Variants in WWC2 observed in about 807,000 individuals in gnomAD.
WWC2 encodes the protein WW and C2 domain containing 2, also known as protein WWC2.
In WWC2, 101 loss-of-function variants were observed where a neutral mutation model predicts 138.5. That is an observed-to-expected ratio of 0.73 (90% CI 0.62 to 0.86). The LOEUF (loss-of-function observed/expected upper bound fraction) is 0.86. Among genes scored for constraint, WWC2 ranks in the 40% least tolerant of loss-of-function variants. The probability of loss-of-function intolerance (pLI) is 0.00; values close to 1 mark genes in which losing one functional copy is unlikely to be tolerated. For synonymous variants in WWC2, 558 were observed against 538.4 expected (o/e 1.04, Z -0.50); for missense variants, 1,420 against 1,419.4 (o/e 1.00, Z -0.01).
intron 1 of WWC2, among the ~76,000 whole-genome samples, chr4:183,140,685 A>T (rs972360049): frequency 2.6e-5 from 4 of 152,214 alleles, no homozygotes; most frequent in Admixed American, 6.5e-5. Context: ...TTACAGTTTT[A>T]CTGCTAGATC....
intron 16 of WWC2, among the ~76,000 whole-genome samples, chr4:183,272,835 T>C (rs937714712): frequency 3.3e-5 from 5 of 152,360 alleles, no homozygotes; most frequent in Non-Finnish European, 5.9e-5. Context: ...ATGTACCACA[T>C]TTTATCTGTC....
At position 183,222,627 on chromosome 4, in the gene WWC2, C is replaced by T. The variant is rs555074052; in HGVS notation, c.522+13602C>T. Among the ~76,000 whole-genome samples, 737 of 152,150 alleles carry T rather than the reference C, an allele frequency of 4.8e-3. 3 individuals carry two copies. Among genetic ancestry groups the T allele is most frequent in the African/African-American group, 0.017 (711 of 41,524 alleles). ...GGAGGGGGAACAAGAGAGAAATTTT[C>T]AGAATATCATCTGGACATGTTACTA... On this transcript the variant is annotated intron_variant, in intron 4 of 22. Transcript: ENST00000403733.
At chr4:183,117,208 T>A (rs1014625495) in intron 1 of WWC2, among the ~76,000 whole-genome samples, 1 of 150,180 alleles carries the variant, frequency 6.7e-6, no homozygotes, top group African/African-American at 2.5e-5. Context: ...TCTTCCACAT[T>A]CTTCTTCTTT....
chr4:183,284,454 G>A, intron 19 of WWC2, 64 bp downstream of exon 19: 2 of 1,564,806 alleles, frequency 1.3e-6, no homozygotes. Flanking sequence ...GGTAGGGAGT[G>A]GCCTGCAAAG....
intron 1 of WWC2, among the ~76,000 whole-genome samples, chr4:183,156,627 C>T (rs1460149951): frequency 2.0e-5 from 3 of 152,136 alleles, no homozygotes; most frequent in Non-Finnish European, 2.9e-5. Flanking sequence ...CCACCACGCC[C>T]GGCACCTTTG....
At chr4:183,118,110 T>A (rs1413194486) in intron 1 of WWC2, among the ~76,000 whole-genome samples, 1 of 152,158 alleles carries the variant, frequency 6.6e-6, no homozygotes, top group African/African-American at 2.4e-5. Context: ...TTATGGATAT[T>A]TTTTTTACCT....
chr4:183,314,905 T>C (rs1739383929), intron 22 of WWC2, among the ~76,000 whole-genome samples: 1 of 152,158 alleles, frequency 6.6e-6, no homozygotes, highest in Non-Finnish European at 1.5e-5. Context: ...CCACCTCAGC[T>C]CTGGTTTCTA....
At chr4:183,204,155 G>A (rs1371314304) in intron 2 of WWC2, among the ~76,000 whole-genome samples, 2 of 152,194 alleles carry the variant, frequency 1.3e-5, no homozygotes, top group Non-Finnish European at 2.9e-5. Flanking sequence ...TGGCTCTAAA[G>A]TACAATTTCT....
chr4:183,233,656 C>T (rs780302450), intron 4 of WWC2: 1 of 152,136 alleles, frequency 6.6e-6, no homozygotes, highest in Admixed American at 6.5e-5. Context: ...TTTCTGATGG[C>T]CAATTCCATT....
intron 4 of WWC2, among the ~76,000 whole-genome samples, chr4:183,220,603 G>C (rs1045115317): frequency 6.6e-6 from 1 of 151,694 alleles, no homozygotes; most frequent in African/African-American, 2.4e-5. Context: ...GGGAGGTCAA[G>C]GTGGGCAGAT....
intron 22 of WWC2, 133 bp from the exon 23 acceptor site, chr4:183,315,530 G>C: frequency 3.4e-6 from 2 of 591,078 alleles, no homozygotes; most frequent in Non-Finnish European, 5.8e-6. Context: ...ATGGAGTTCT[G>C]CGTAAGGAAA....
chr4:183,207,934 C>A lies in WWC2; in HGVS notation c.242-19C>A. The A allele has an allele frequency of 6.3e-7, 1 of 1,584,532 alleles. No individual in the cohort carries two copies. Among genetic ancestry groups the A allele is most frequent in the South Asian group, 1.2e-5 (1 of 85,674 alleles). ...ACAAAGTTAAATTCTAAAAAGTACCCTCCACCTAATGTTTTCAGAAACCAC... is the reference window on the plus strand; with the variant it reads ...ACAAAGTTAAATTCTAAAAAGTACCATCCACCTAATGTTTTCAGAAACCAC... On this transcript the variant is annotated intron_variant, in intron 2 of 22. Transcript: ENST00000403733.
chr4:183,320,575 T>G lies in WWC2; in HGVS notation c.*4846T>G. 3.8e-6 allele frequency: 1 copy of G among 262,538 alleles called. No individual in the cohort carries two copies. The highest frequency in any genetic ancestry group is 8.7e-5 in the East Asian group (1 of 11,530). 16.3% of individuals were successfully genotyped at this position (262,538 alleles called of 1,614,324 possible). On this transcript the variant is annotated 3_prime_UTR_variant, in exon 23 of 23. Transcript: ENST00000403733. ...TATTCCCAACCTTTCTAACAAAGAA[T>G]TAAGTCTAAATGCAAAATGTTTAAC...
chr4:183,099,719 G>T (rs1243187450), intron 1 of WWC2, 97 bp downstream of exon 1: 11 of 1,114,468 alleles, frequency 9.9e-6, no homozygotes, highest in Admixed American at 4.9e-5. Context: ...GCCGGCCCGC[G>T]GTGCCCCGAG....
rs144320965 is a variant in WWC2, at chr4:183,212,915, A to G, written c.522+3890A>G. Among the ~76,000 whole-genome samples, 47 of 152,234 alleles carry G rather than the reference A, an allele frequency of 3.1e-4. 1 individual carries two copies. In the East Asian group the frequency reaches 8.9e-3, roughly 29 times the overall value. Reference sequence around the variant, plus strand: ...TATATTATATTATAACGTATAATATATATAATATTTATCACCTTGTGACCA... The same window carrying G: ...TATATTATATTATAACGTATAATATGTATAATATTTATCACCTTGTGACCA... On this transcript the variant is annotated intron_variant, in intron 4 of 22. Transcript: ENST00000403733.
intron 14 of WWC2, 66 bp from the exon 15 acceptor site, chr4:183,268,905 A>G (rs1347627510): frequency 6.9e-7 from 1 of 1,439,142 alleles, no homozygotes; most frequent in African/African-American, 1.4e-5. Flanking sequence ...ATAATTTCAA[A>G]TGATAGCTGT....
chr4:183,181,845 T>C (rs879551827), intron 1 of WWC2, among the ~76,000 whole-genome samples: 1 of 152,188 alleles, frequency 6.6e-6, no homozygotes, highest in Non-Finnish European at 1.5e-5. Context: ...TAGATGTCAC[T>C]CTACAGGAAA....
At chr4:183,220,165 A>G (rs1735881252) in intron 4 of WWC2, among the ~76,000 whole-genome samples, 1 of 152,234 alleles carries the variant, frequency 6.6e-6, no homozygotes. Flanking sequence ...AATGCTGCCA[A>G]AAGTGAGAAT....
At chr4:183,215,580 T>C (rs932794668) in intron 4 of WWC2, among the ~76,000 whole-genome samples, 1 of 152,210 alleles carries the variant, frequency 6.6e-6, no homozygotes, top group Non-Finnish European at 1.5e-5. Flanking sequence ...TTCAAAAGCA[T>C]ACCAGAATTT....
Sources: allele counts gnomAD v4.1 joint callset (sites outside exome capture counted in the v4.1 genomes callset), GRCh38; gene constraint gnomAD v4.1.1; transcripts MANE v1.5; gene names NCBI Gene and HGNC (gene_info 2026-07-23, HGNC 2026-07-21).